Variants in RORB observed in about 807,000 individuals in gnomAD.
The protein encoded by RORB is nuclear receptor ROR-beta.
In RORB, 6 loss-of-function variants were observed where a neutral mutation model predicts 59.1. The ratio of observed to expected loss-of-function variants is 0.10; its 90% CI spans 0.06 to 0.20. RORB has a LOEUF of 0.20. Among genes scored for constraint, RORB ranks in the 10% least tolerant of loss-of-function variants. The pLI, the probability that RORB is intolerant of heterozygous loss-of-function variation, is 1.00. For missense variants in RORB, 320 were observed against 560.5 expected (o/e 0.57, Z 4.33); for synonymous variants, 215 against 204.5 (o/e 1.05, Z -0.44).
chr9:74,668,228 C>T (rs1292957014), intron 8 of RORB, among the ~76,000 whole-genome samples: 1 of 152,162 alleles, frequency 6.6e-6, no homozygotes, highest in African/African-American at 2.4e-5. Flanking sequence ...GAATAAAGTA[C>T]ATAGAAAATA....
chr9:74,598,561 A>G (rs1371237179), intron 1 of RORB, among the ~76,000 whole-genome samples: 1 of 152,138 alleles, frequency 6.6e-6, no homozygotes, highest in East Asian at 1.9e-4. Context: ...TTGTGTTATG[A>G]TTTCTAAATA....
chr9:74,661,128 T>G (rs1824173312), intron 5 of RORB, among the ~76,000 whole-genome samples: 1 of 152,204 alleles, frequency 6.6e-6, no homozygotes. Flanking sequence ...GTCACAAACT[T>G]ACACAGCAAA....
intron 1 of RORB, among the ~76,000 whole-genome samples, chr9:74,580,017 T>C (rs1822697351): frequency 6.6e-6 from 1 of 152,198 alleles, no homozygotes; most frequent in African/African-American, 2.4e-5. Flanking sequence ...TTCTATTTTA[T>C]TATTGTTGTT....
intron 1 of RORB, among the ~76,000 whole-genome samples, chr9:74,593,793 T>G (rs1012350334): frequency 6.6e-6 from 1 of 152,120 alleles, no homozygotes; most frequent in Non-Finnish European, 1.5e-5. Flanking sequence ...AACAGAGACC[T>G]ACAAATAGAA....
intron 1 of RORB, among the ~76,000 whole-genome samples, chr9:74,617,604 C>T (rs757578741): frequency 6.6e-6 from 1 of 152,138 alleles, no homozygotes; most frequent in African/African-American, 2.4e-5. Context: ...GCAGAACAGG[C>T]GCTTCAGTCT....
chr9:74,546,621 T>A (rs1411746088), intron 1 of RORB, among the ~76,000 whole-genome samples: 1 of 152,164 alleles, frequency 6.6e-6, no homozygotes, highest in African/African-American at 2.4e-5. Context: ...CAGAGAGAAG[T>A]GGCAGATAGA....
chr9:74,578,951 C>T (rs1202702130), intron 1 of RORB, among the ~76,000 whole-genome samples: 1 of 152,048 alleles, frequency 6.6e-6, no homozygotes, highest in African/African-American at 2.4e-5. Flanking sequence ...CAGCAATTAT[C>T]TGCAAGTGAA....
At chr9:74,561,235 T>C (rs1822392928) in intron 1 of RORB, among the ~76,000 whole-genome samples, 1 of 152,146 alleles carries the variant, frequency 6.6e-6, no homozygotes, top group South Asian at 2.1e-4. Context: ...GCTCATTAAA[T>C]AATCATCGCT....
At chr9:74,646,508 A>G (rs983094531) in intron 4 of RORB, among the ~76,000 whole-genome samples, 19 of 152,196 alleles carry the variant, frequency 1.2e-4, no homozygotes, top group Admixed American at 2.6e-4. Context: ...TCTAATGATA[A>G]TGTTTGATAT....
Position 74,497,634 on chromosome 9 carries a change from T to A in RORB, c.-343T>A, listed in dbSNP as rs922264438. On this transcript the variant is annotated 5_prime_UTR_variant, in exon 1 of 10. Coordinates refer to ENST00000376896, the MANE Select transcript of RORB (RefSeq NM_006914.4). ...CTGAGCCGGAGGCGGTGGCATTTTT[T>A]AAAAAGCAAGCACATTGGAGAGAAA... 1.7e-5 allele frequency: 6 copies of A among 362,084 alleles called. No homozygotes were observed. Among genetic ancestry groups the A allele is most frequent in the Admixed American group, 1.3e-4 (3 of 23,918 alleles). The allele number at this position is 362,084 out of a possible 1,614,324, so 22.4% of individuals were successfully genotyped here.
chr9:74,539,739 G>A (rs1018344750), intron 1 of RORB, among the ~76,000 whole-genome samples: 1 of 152,084 alleles, frequency 6.6e-6, no homozygotes, highest in African/African-American at 2.4e-5. Context: ...ACAGGGGCCA[G>A]TGAGATGGGG....
intron 9 of RORB, among the ~76,000 whole-genome samples, chr9:74,677,414 C>CT (rs1334468333): frequency 6.6e-6 from 1 of 152,104 alleles, no homozygotes; most frequent in Non-Finnish European, 1.5e-5. Context: ...CTCATTAATT[C>CT]TTTTTATGAT....
At chr9:74,640,490 A>G (rs1364593195) in intron 3 of RORB, among the ~76,000 whole-genome samples, 2 of 151,958 alleles carry the variant, frequency 1.3e-5, no homozygotes, top group Admixed American at 1.3e-4. Flanking sequence ...TCACCACGTT[A>G]GCCAGGATGG....
intron 1 of RORB, among the ~76,000 whole-genome samples, chr9:74,613,331 G>A (rs892541762): frequency 2.0e-5 from 3 of 152,164 alleles, no homozygotes; most frequent in Admixed American, 1.3e-4. Flanking sequence ...TTAACTCAAA[G>A]CCCAAGGTTC....
intron 1 of RORB, among the ~76,000 whole-genome samples, chr9:74,504,341 A>T (rs1374081236): frequency 6.6e-6 from 1 of 152,076 alleles, no homozygotes; most frequent in Non-Finnish European, 1.5e-5. Context: ...TAAATAGATT[A>T]CAACTTTATA....
At position 74,661,636 on chromosome 9, in the gene RORB, C is replaced by CTTTTTTTTTTTTTTTTTTTTTTT. The variant is rs779927558; in HGVS notation, c.760-834_760-812dup. ...CCTTTTTCCTCGGAATTCTTTTTTC[C>CTTTTTTTTTTTTTTTTTTTTTTT]TTTTTTTTTTTTTTTTTTTTTTTTT... On this transcript the variant is annotated intron_variant, in intron 5 of 9. Coordinates refer to ENST00000376896, the MANE Select transcript of RORB (RefSeq NM_006914.4). Among the ~76,000 whole-genome samples the CTTTTTTTTTTTTTTTTTTTTTTT allele has an allele frequency of 3.8e-5, 3 of 79,590 alleles. 1 individual carries two copies. The highest frequency in any genetic ancestry group is 4.8e-5 in the African/African-American group (1 of 20,730). The allele number at this position is 79,590 out of a possible 152,430, so 52.2% of individuals were successfully genotyped here. A position where few individuals can be genotyped will look rare whatever the true frequency, so the allele number is the denominator to read the frequency against.
chr9:74,642,487 G>A lies in RORB; in HGVS notation c.309G>A (p.Arg103=), dbSNP rs761975198. The change falls in exon 4 of 10, where the codon CGG becomes CGA. Residue 103 remains arginine (R), a synonymous_variant. Coordinates refer to ENST00000376896, the MANE Select transcript of RORB (RefSeq NM_006914.4). The part of the protein sequence containing the change: ...LYAEVQKHQQ[R]LQEQRQQQSG... Reference sequence around the variant, plus strand: ...CTGAGGTGCAGAAGCACCAGCAGCGGCTGCAGGAACAGCGGCAGCAGCAGA... The same window carrying A: ...CTGAGGTGCAGAAGCACCAGCAGCGACTGCAGGAACAGCGGCAGCAGCAGA... The A allele has an allele frequency of 6.2e-7, 1 of 1,614,238 alleles. No homozygotes were observed. Among genetic ancestry groups the A allele is most frequent in the Non-Finnish European group, 8.5e-7 (1 of 1,180,038 alleles).
intron 5 of RORB, among the ~76,000 whole-genome samples, chr9:74,660,997 G>A (rs7865407): frequency 1.3e-5 from 2 of 151,998 alleles, no homozygotes; most frequent in Non-Finnish European, 2.9e-5. Context: ...GAAAAACCAC[G>A]GCCCTATTTG....
At chr9:74,568,659 C>A (rs1350317613) in intron 1 of RORB, among the ~76,000 whole-genome samples, 2 of 141,964 alleles carry the variant, frequency 1.4e-5, no homozygotes, top group African/African-American at 2.6e-5. Flanking sequence ...AAGGTCGCGC[C>A]ATTGCACTCC....
Sources: allele counts gnomAD v4.1 joint callset (sites outside exome capture counted in the v4.1 genomes callset), GRCh38; gene constraint gnomAD v4.1.1; transcripts MANE v1.5; gene names NCBI Gene and HGNC (gene_info 2026-07-23, HGNC 2026-07-21).